Variants in PCDH7 observed in about 807,000 individuals in gnomAD.
The protein encoded by PCDH7 is protocadherin 7.
A neutral mutation model predicts 58.9 loss-of-function variants in PCDH7; 17 were observed. The ratio of observed to expected loss-of-function variants is 0.29; its 90% CI spans 0.20 to 0.43. The LOEUF (loss-of-function observed/expected upper bound fraction) is 0.43. Among genes scored for constraint, PCDH7 ranks in the 20% least tolerant of loss-of-function variants. PCDH7 has a pLI of 1.00. For synonymous variants in PCDH7, 664 were observed against 616.4 expected (o/e 1.08, Z -1.14); for missense variants, 1,274 against 1,441.0 (o/e 0.88, Z 1.88).
intron 3 of PCDH7, among the ~76,000 whole-genome samples, chr4:31,024,046 G>A (rs189823668): frequency 1.4e-3 from 213 of 152,306 alleles, no homozygotes; most frequent in Non-Finnish European, 2.3e-3. Flanking sequence ...TCAGTAAGAA[G>A]AGCATTAAAA....
At chr4:30,947,705 C>T (rs964019347) in intron 2 of PCDH7, among the ~76,000 whole-genome samples, 1 of 152,106 alleles carries the variant, frequency 6.6e-6, no homozygotes, top group East Asian at 1.9e-4. Flanking sequence ...GTGTTGGGAA[C>T]ATTCAGTGTC....
intron 3 of PCDH7, among the ~76,000 whole-genome samples, chr4:31,056,412 GAAGGAAAGAAGGAAAGAAAAAGA>G (rs1757171643): frequency 7.4e-6 from 1 of 135,574 alleles, no homozygotes; most frequent in African/African-American, 3.1e-5. Flanking sequence ...AAGAAAGAAA[GAAGGAAAGAAGGAAAGAAAAAGA>G]AAGAAGGAAA....
intron 3 of PCDH7, among the ~76,000 whole-genome samples, chr4:31,030,728 CAAT>C (rs1300331500): frequency 1.3e-5 from 2 of 151,956 alleles, no homozygotes; most frequent in Non-Finnish European, 2.9e-5. Flanking sequence ...AATTCAACAA[CAAT>C]GACTTACTCT....
At chr4:30,905,430 A>C (rs1740791791) in intron 1 of PCDH7, among the ~76,000 whole-genome samples, 1 of 151,404 alleles carries the variant, frequency 6.6e-6, no homozygotes, top group Non-Finnish European at 1.5e-5. Context: ...CAGCATGTGA[A>C]CTGAGCTTTT....
chr4:31,109,600 A>G (rs1716030405), intron 3 of PCDH7, among the ~76,000 whole-genome samples: 1 of 152,224 alleles, frequency 6.6e-6, no homozygotes, highest in Admixed American at 6.5e-5. Context: ...ATTTTATAAT[A>G]TACAGAGAAT....
chr4:30,935,129 A>T, intron 2 of PCDH7, among the ~76,000 whole-genome samples: 1 of 152,096 alleles, frequency 6.6e-6, no homozygotes, highest in East Asian at 1.9e-4. Flanking sequence ...TTAGTGAAGT[A>T]TTTAGTATAT....
intron 3 of PCDH7, among the ~76,000 whole-genome samples, chr4:31,132,521 T>C (rs1327238995): frequency 6.6e-6 from 1 of 152,108 alleles, no homozygotes; most frequent in African/African-American, 2.4e-5. Context: ...GTTACAGAAC[T>C]AATGAGTAAA....
intron 3 of PCDH7, among the ~76,000 whole-genome samples, chr4:31,135,987 C>T (rs947475478): frequency 7.9e-5 from 12 of 152,162 alleles, no homozygotes; most frequent in African/African-American, 2.9e-4. Context: ...TCAATTCTCA[C>T]AGTAATTCTA....
At chr4:30,854,270 C>T (rs556017464) in intron 1 of PCDH7, among the ~76,000 whole-genome samples, 6 of 148,784 alleles carry the variant, frequency 4.0e-5, no homozygotes, top group South Asian at 2.2e-4. Context: ...CATTGTGGGA[C>T]GTTTAACTGC....
rs528027002 is a variant in PCDH7 at position 30,960,079 on chromosome 4, GAGGA to G, written c.*7+9883_*7+9886del. 3.1e-3 allele frequency among the ~76,000 whole-genome samples: 385 copies of G among 122,828 alleles called. 2 individuals are homozygous for G. The highest frequency in any genetic ancestry group is 0.014 in the South Asian group (52 of 3,740). The allele number at this position is 122,828 out of a possible 152,430, so 80.6% of individuals were successfully genotyped here. The stretch of plus-strand genomic sequence containing the variant: ...TATATAGATAGTTAGAAAAGGAGGG[GAGGA>G]AGGAAGGAAGGAAGGAAGAAAGGAA... On this transcript the variant is annotated intron_variant, in intron 3 of 3. Coordinates refer to the PCDH7 transcript ENST00000509759.
chr4:31,002,299 C>T (rs904810887), intron 3 of PCDH7, among the ~76,000 whole-genome samples: 1 of 152,316 alleles, frequency 6.6e-6, no homozygotes, highest in Middle Eastern at 3.4e-3. Context: ...ACCAGCAGTG[C>T]GTGTTCACAC....
chr4:31,036,809 A>T (rs547671562), intron 3 of PCDH7, among the ~76,000 whole-genome samples: 1 of 152,270 alleles, frequency 6.6e-6, no homozygotes, highest in East Asian at 1.9e-4. Flanking sequence ...CTAAAGAAAG[A>T]GTTTTAATGG....
At chr4:31,019,251 CTT>C (rs1035167533) in intron 3 of PCDH7, among the ~76,000 whole-genome samples, 44 of 152,072 alleles carry the variant, frequency 2.9e-4, no homozygotes, top group Admixed American at 2.2e-3. Flanking sequence ...AATATATAGT[CTT>C]AAAATGATTT....
intron 1 of PCDH7, among the ~76,000 whole-genome samples, chr4:30,765,733 G>T (rs190527115): frequency 6.6e-6 from 1 of 152,326 alleles, no homozygotes; most frequent in East Asian, 1.9e-4. Context: ...TCTCTGATGA[G>T]AGTGTGAGCT....
intron 3 of PCDH7, among the ~76,000 whole-genome samples, chr4:30,961,142 T>C (rs1560536017): frequency 6.6e-6 from 1 of 152,146 alleles, no homozygotes; most frequent in Non-Finnish European, 1.5e-5. Context: ...TATGGGAATG[T>C]GTGTAAAGTG....
chr4:30,839,020 A>G (rs997079557), intron 1 of PCDH7, among the ~76,000 whole-genome samples: 4 of 152,068 alleles, frequency 2.6e-5, no homozygotes, highest in Non-Finnish European at 5.9e-5. Flanking sequence ...AAATCAAGTA[A>G]CAATAGAGCA....
intron 3 of PCDH7, among the ~76,000 whole-genome samples, chr4:31,141,881 C>A (rs1720300512): frequency 6.6e-6 from 1 of 152,148 alleles, no homozygotes; most frequent in Admixed American, 6.6e-5. Context: ...ATGCTTATAC[C>A]TGTAACTACT....
At chr4:30,783,278 A>G (rs1185294711) in intron 1 of PCDH7, 2 of 152,174 alleles carry the variant, frequency 1.3e-5, no homozygotes, top group Admixed American at 6.5e-5. Flanking sequence ...TTATGCATTT[A>G]TGCTCTAAAA....
intron 3 of PCDH7, among the ~76,000 whole-genome samples, chr4:31,115,478 G>T (rs961843010): frequency 7.9e-5 from 12 of 151,722 alleles, no homozygotes; most frequent in African/African-American, 2.2e-4. Flanking sequence ...TTTATTTTCC[G>T]CTCATTCTTT....
Sources: gnomAD v4.1 joint callset for allele counts (sites outside exome capture counted in the v4.1 genomes callset) on GRCh38, gnomAD v4.1.1 for gene constraint, MANE v1.5 for transcripts, NCBI Gene and HGNC (gene_info 2026-07-23, HGNC 2026-07-21) for gene names.